The following KLRG1 variants were observed in gnomAD, a reference collection of about 807,000 sequenced individuals.
KLRG1 encodes killer cell lectin-like receptor subfamily G member 1.
In KLRG1, 16 loss-of-function variants were observed where a neutral mutation model predicts 21.8. The observed-to-expected ratio is 0.73, with a 90% CI of 0.50 to 1.11. The LOEUF (loss-of-function observed/expected upper bound fraction) is 1.11. KLRG1 is among the 50% of genes most tolerant of loss of function. The probability of loss-of-function intolerance (pLI) is 0.00; values close to 1 mark genes in which losing one functional copy is unlikely to be tolerated. For synonymous variants in KLRG1, 69 were observed against 75.9 expected, an observed-to-expected ratio of 0.91 and a Z score of 0.47; for missense variants, 173 against 218.3, an observed-to-expected ratio of 0.79 and a Z score of 1.31.
the KLRG1 span, among the ~76,000 whole-genome samples, chr12:9,050,592 C>A: frequency 6.6e-6 from 1 of 152,278 alleles, no homozygotes; most frequent in African/African-American, 2.4e-5. Flanking sequence ...CGCCCAAATG[C>A]GCTTGTGGAT....
intron 3 of KLRG1, among the ~76,000 whole-genome samples, chr12:9,000,530 T>C (rs1423313554): frequency 2.0e-5 from 3 of 152,168 alleles, no homozygotes; most frequent in Non-Finnish European, 4.4e-5. Flanking sequence ...TTTTTCATCA[T>C]CCCCAGTTGA....
chr12:9,140,264 A>T, the KLRG1 span, among the ~76,000 whole-genome samples: 2 of 151,624 alleles, frequency 1.3e-5, no homozygotes, highest in African/African-American at 4.8e-5. Context: ...GCATAGTAGT[A>T]GGGGGGGGCC....
chr12:9,212,113 A>C, the KLRG1 span, among the ~76,000 whole-genome samples: 1 of 152,166 alleles, frequency 6.6e-6, no homozygotes, highest in Non-Finnish European at 1.5e-5. Flanking sequence ...TCCAGATTGC[A>C]GCTGAGAGAA....
intron 1 of KLRG1, among the ~76,000 whole-genome samples, chr12:8,979,124 C>T (rs1946713436): frequency 6.6e-6 from 1 of 151,576 alleles, no homozygotes; most frequent in Non-Finnish European, 1.5e-5. Flanking sequence ...AAGCAATTCT[C>T]CTGCCTCAGC....
the KLRG1 span, among the ~76,000 whole-genome samples, chr12:9,075,659 T>C: frequency 0.38 from 57,495 of 152,044 alleles, 11,616 homozygotes; most frequent in African/African-American, 0.49. Context: ...GTTTCTTGAA[T>C]AAGAGAGAAA....
chr12:9,164,159 G>A, the KLRG1 span: 27 of 1,611,718 alleles, frequency 1.7e-5, no homozygotes, highest in Non-Finnish European at 2.3e-5. Context: ...CACTGTCCAA[G>A]ACAAGGTTTG....
the KLRG1 span, among the ~76,000 whole-genome samples, chr12:9,203,236 T>C: frequency 6.6e-6 from 1 of 151,418 alleles, no homozygotes; most frequent in Admixed American, 6.6e-5. Flanking sequence ...AGGAATGAAA[T>C]TTAGAAGAGT....
At chr12:9,201,070 A>G in the KLRG1 span, 1 of 1,613,536 alleles carries the variant, frequency 6.2e-7, no homozygotes. Context: ...TCTGAAGGGA[A>G]ACAAGAAACA....
At chr12:9,018,312 CA>C in the KLRG1 span, among the ~76,000 whole-genome samples, 2 of 150,280 alleles carry the variant, frequency 1.3e-5, no homozygotes, top group African/African-American at 4.9e-5. Flanking sequence ...CCATCCTGAG[CA>C]AAAAAAACAA....
chr12:9,009,867 C>T lies in KLRG1; in HGVS notation c.*330C>T, dbSNP rs1947592258. 2 of 1,477,704 alleles carry T rather than the reference C, an allele frequency of 1.4e-6. No individual in the cohort carries two copies. Among genetic ancestry groups the T allele is most frequent in the Non-Finnish European group, 1.8e-6 (2 of 1,119,574 alleles). The allele number at this position is 1,477,704 out of a possible 1,614,324, so 91.5% of individuals were successfully genotyped here. On this transcript the variant is annotated 3_prime_UTR_variant, in exon 5 of 5. Coordinates refer to ENST00000356986, the MANE Select transcript of KLRG1 (RefSeq NM_005810.4). ...ATCTCTGTCAAAAATATACCTTTTT[C>T]ATATGATATTCTGAGCTAATCTGAT...
At chr12:9,067,883 C>A in the KLRG1 span, 1 of 1,584,428 alleles carries the variant, frequency 6.3e-7, no homozygotes, top group Non-Finnish European at 8.6e-7. Context: ...ATTTGGGTCT[C>A]CATGAGCAGA....
chr12:8,987,885 G>A (rs1296394705), upstream of KLRG1, among the ~76,000 whole-genome samples: 2 of 152,102 alleles, frequency 1.3e-5, no homozygotes, highest in African/African-American at 4.8e-5. Flanking sequence ...CATTTTGTTT[G>A]TTTTGCCTTC....
chr12:9,017,886 T>C, the KLRG1 span, among the ~76,000 whole-genome samples: 3 of 152,176 alleles, frequency 2.0e-5, no homozygotes, highest in African/African-American at 7.2e-5. Flanking sequence ...CACAAAAAAC[T>C]ATTAAAACTG....
At chr12:9,152,052 G>A in the KLRG1 span, among the ~76,000 whole-genome samples, 1 of 152,142 alleles carries the variant, frequency 6.6e-6, no homozygotes, top group Non-Finnish European at 1.5e-5. Context: ...TATCACATAT[G>A]TCCCTTAGCT....
At chr12:9,197,902 T>C in the KLRG1 span, among the ~76,000 whole-genome samples, 1 of 126,582 alleles carries the variant, frequency 7.9e-6, no homozygotes, top group Non-Finnish European at 1.6e-5. Context: ...ATAAATTATA[T>C]ATATTTATAT....
intron 3 of KLRG1, among the ~76,000 whole-genome samples, chr12:9,008,398 C>A (rs1338724103): frequency 1.3e-5 from 2 of 152,200 alleles, no homozygotes; most frequent in African/African-American, 4.8e-5. Context: ...AAGGTCAATT[C>A]TAGGATGCTG....
At chr12:9,077,800 A>G in the KLRG1 span, 1 of 1,614,182 alleles carries the variant, frequency 6.2e-7, no homozygotes, top group African/African-American at 1.3e-5. Context: ...TGTGTGCTTC[A>G]TCGATGAAGA....
At chr12:9,194,462 G>GTTTT in the KLRG1 span, among the ~76,000 whole-genome samples, 1 of 90,806 alleles carries the variant, frequency 1.1e-5, no homozygotes, top group African/African-American at 3.8e-5. Context: ...AAGTCAGGGA[G>GTTTT]TTTTTTTTTT....
At chr12:9,055,466 T>G in the KLRG1 span, 7 of 152,354 alleles carry the variant, frequency 4.6e-5, no homozygotes, top group Admixed American at 3.9e-4. Context: ...GTTCCTAAAT[T>G]TATGCTAGGT....
Sources: gnomAD v4.1 joint callset for allele counts (sites outside exome capture counted in the v4.1 genomes callset) on GRCh38, gnomAD v4.1.1 for gene constraint, MANE v1.5 for transcripts, NCBI Gene and HGNC (gene_info 2026-07-23, HGNC 2026-07-21) for gene names.